MSANTD5: variants seen among roughly 807,000 people sequenced by gnomAD.
MSANTD5 encodes uncharacterized protein MSANTD5.
At chr5:178,705,784 C>T in the MSANTD5 span, among the ~76,000 whole-genome samples, 1 of 152,016 alleles carries the variant, frequency 6.6e-6, no homozygotes, top group Non-Finnish European at 1.5e-5. Flanking sequence ...AGTGAAACCC[C>T]ATCTCTACTA....
chr5:178,696,927 A>G (rs1157646005), intron 1 of MSANTD5, among the ~76,000 whole-genome samples: 1 of 152,130 alleles, frequency 6.6e-6, no homozygotes, highest in Non-Finnish European at 1.5e-5. Flanking sequence ...AGCAGGCTGG[A>G]AAGTTCCTGG....
chr5:178,706,653 G>C, the MSANTD5 span, among the ~76,000 whole-genome samples: 2 of 151,974 alleles, frequency 1.3e-5, no homozygotes, highest in African/African-American at 2.4e-5. Context: ...GAAGGATAGA[G>C]AGAATGGGGA....
upstream of MSANTD5, among the ~76,000 whole-genome samples, chr5:178,702,094 A>T (rs1035476367): frequency 2.6e-5 from 4 of 151,180 alleles, no homozygotes; most frequent in East Asian, 3.9e-4. Context: ...AAAAAAAAAA[A>T]AATAAAAAAA....
chr5:178,706,393 C>G, the MSANTD5 span, among the ~76,000 whole-genome samples: 2 of 152,136 alleles, frequency 1.3e-5, no homozygotes, highest in South Asian at 4.1e-4. Flanking sequence ...GTGGCTCTGT[C>G]TGCTATAACC....
At chr5:178,695,650 T>C (rs1260420454) in intron 2 of MSANTD5, 52 bp from the exon 3 acceptor site, 1 of 152,174 alleles carries the variant, frequency 6.6e-6, no homozygotes, top group Non-Finnish European at 1.5e-5. Flanking sequence ...CCTGCACATG[T>C]GCAGGATCCT....
the MSANTD5 span, among the ~76,000 whole-genome samples, chr5:178,704,626 C>A: frequency 1.3e-5 from 2 of 152,140 alleles, no homozygotes; most frequent in East Asian, 1.9e-4. Flanking sequence ...GGTTCCTGGG[C>A]AGAAATAGTT....
chr5:178,703,968 A>G, the MSANTD5 span, among the ~76,000 whole-genome samples: 1 of 150,856 alleles, frequency 6.6e-6, no homozygotes, highest in Admixed American at 6.6e-5. Context: ...GGGACAGAGC[A>G]AGACTCCGTC....
upstream of MSANTD5, among the ~76,000 whole-genome samples, chr5:178,701,956 C>T (rs997556223): frequency 2.7e-5 from 4 of 150,930 alleles, no homozygotes; most frequent in Admixed American, 6.6e-5. Context: ...TGGTCTCAAA[C>T]TTCCGACCTC....
chr5:178,700,005 G>C (rs1025021880), upstream of MSANTD5, among the ~76,000 whole-genome samples: 1 of 152,132 alleles, frequency 6.6e-6, no homozygotes, highest in African/African-American at 2.4e-5. Context: ...TTCTCTGTTT[G>C]TCCGGGCTCC....
the MSANTD5 span, among the ~76,000 whole-genome samples, chr5:178,704,667 GAA>G: frequency 2.0e-5 from 3 of 152,238 alleles, no homozygotes; most frequent in African/African-American, 4.8e-5. Context: ...GAGCAAGTCA[GAA>G]ATTGCGGATG....
the MSANTD5 span, among the ~76,000 whole-genome samples, chr5:178,705,874 G>T: frequency 6.6e-6 from 1 of 152,070 alleles, no homozygotes; most frequent in Non-Finnish European, 1.5e-5. Context: ...GGGGAAAGGC[G>T]TGAACCCGGG....
downstream of MSANTD5, among the ~76,000 whole-genome samples, chr5:178,693,657 C>T (rs376964088): frequency 1.2e-4 from 18 of 152,158 alleles, no homozygotes; most frequent in East Asian, 2.7e-3. Flanking sequence ...CATCTGCTGG[C>T]GCTGGTGGCC....
At chr5:178,699,400 A>G (rs941712867), upstream of MSANTD5, among the ~76,000 whole-genome samples, 2 of 151,708 alleles carry the variant, frequency 1.3e-5, no homozygotes, top group African/African-American at 4.8e-5. Flanking sequence ...CTTCTTCTCA[A>G]TCAGAAATTA....
Position 178,697,251 on chromosome 5 carries a change from G to C in MSANTD5, c.6+335C>G, listed in dbSNP as rs553780229. Among the ~76,000 whole-genome samples the C allele has an allele frequency of 3.3e-5, 5 of 150,512 alleles. No homozygotes were observed. In the East Asian group the frequency reaches 5.8e-4, roughly 18 times the overall value. On this transcript the variant is annotated intron_variant, in intron 1 of 3. Transcript: ENST00000648368. ...GGGCGGATCACGAGGTCAGGAGATC[G>C]AGACCATCCTGGCTAACACGGTGAA...
At chr5:178,700,270 A>C (rs963560253), upstream of MSANTD5, among the ~76,000 whole-genome samples, 26 of 152,168 alleles carry the variant, frequency 1.7e-4, no homozygotes, top group Non-Finnish European at 2.9e-4. Flanking sequence ...CCACTGGCCT[A>C]TGCGTTCAGT....
At chr5:178,703,540 G>A in the MSANTD5 span, among the ~76,000 whole-genome samples, 1 of 152,174 alleles carries the variant, frequency 6.6e-6, no homozygotes, top group African/African-American at 2.4e-5. Context: ...GAGAAGAGAG[G>A]TTGATTAATG....
At chr5:178,700,293 C>A (rs953320945), upstream of MSANTD5, among the ~76,000 whole-genome samples, 10 of 152,150 alleles carry the variant, frequency 6.6e-5, no homozygotes, top group Non-Finnish European at 1.3e-4. Flanking sequence ...AATTGTGGAT[C>A]TTGTCTACAG....
chr5:178,699,937 T>TCTAAGGGGGACCCTGCTTATCTTG (rs58269048), upstream of MSANTD5, among the ~76,000 whole-genome samples: 69 of 146,828 alleles, frequency 4.7e-4, 1 homozygote, highest in South Asian at 6.4e-4. Context: ...TTCTGTGGCT[T>TCTAAGGGGGACCCTGCTTATCTTG]TCCAGCACAG....
At chr5:178,705,852 G>A in the MSANTD5 span, among the ~76,000 whole-genome samples, 1 of 152,150 alleles carries the variant, frequency 6.6e-6, no homozygotes. Context: ...AGCTACTCAG[G>A]AGGCTGAGGC....
Sources: gnomAD v4.1 joint callset for allele counts (sites outside exome capture counted in the v4.1 genomes callset) on GRCh38, gnomAD v4.1.1 for gene constraint, MANE v1.5 for transcripts, NCBI Gene and HGNC (gene_info 2026-07-23, HGNC 2026-07-21) for gene names.